EXOC6B: variants seen among roughly 807,000 people sequenced by gnomAD.
EXOC6B encodes SEC15 homolog B.
In EXOC6B, 54 loss-of-function variants were observed where a neutral mutation model predicts 113.5. The ratio of observed to expected loss-of-function variants is 0.48; its 90% CI spans 0.38 to 0.60. EXOC6B has a LOEUF of 0.60. EXOC6B is among the 20% of genes least tolerant of loss of function. EXOC6B has a pLI of 0.00. For synonymous variants in EXOC6B, 357 were observed against 339.0 expected (o/e 1.05, Z -0.58); for missense variants, 797 against 977.5 (o/e 0.82, Z 2.46).
intron 15 of EXOC6B, among the ~76,000 whole-genome samples, chr2:72,493,134 T>G (rs1266016021): frequency 1.3e-5 from 2 of 152,090 alleles, no homozygotes; most frequent in African/African-American, 2.4e-5. Context: ...CATTAAGACT[T>G]TAGTTGATTT....
intron 1 of EXOC6B, among the ~76,000 whole-genome samples, chr2:72,755,822 A>G (rs1308242744): frequency 6.6e-6 from 1 of 152,174 alleles, no homozygotes. Context: ...TGTTGCCAAC[A>G]GAAGGGGGAG....
At chr2:72,814,604 C>A (rs892687257) in intron 1 of EXOC6B, among the ~76,000 whole-genome samples, 2 of 152,238 alleles carry the variant, frequency 1.3e-5, no homozygotes, top group Middle Eastern at 3.2e-3. Flanking sequence ...AAAGATCTAA[C>A]AGGTTTGCAG....
rs570600481 is a variant in EXOC6B, at chr2:72,501,559, G to A, written c.1168-1587C>T. 5.3e-5 allele frequency among the ~76,000 whole-genome samples: 8 copies of A among 152,016 alleles called. No homozygotes were observed. The South Asian group carries it at 6.2e-4, about 12-fold the overall frequency. Reference sequence around the variant, plus strand: ...TAAACCTGGGATTACTGACATTTACGAACCTAGTAGTCAAGCCACTTTTCG... The same window carrying A: ...TAAACCTGGGATTACTGACATTTACAAACCTAGTAGTCAAGCCACTTTTCG... On this transcript the variant is annotated intron_variant, in intron 11 of 21. Coordinates refer to ENST00000272427, the MANE Select transcript of EXOC6B (RefSeq NM_015189.3).
At chr2:72,616,926 T>C (rs528368792) in intron 6 of EXOC6B, among the ~76,000 whole-genome samples, 31 of 152,322 alleles carry the variant, frequency 2.0e-4, no homozygotes, top group African/African-American at 7.2e-4. Context: ...AAGTCCCTCC[T>C]GCCTATGAGC....
intron 8 of EXOC6B, among the ~76,000 whole-genome samples, chr2:72,538,139 T>C (rs1443435089): frequency 6.6e-6 from 1 of 151,856 alleles, no homozygotes; most frequent in East Asian, 1.9e-4. Flanking sequence ...TGTTTTTAAT[T>C]TTTAGTAGAA....
chr2:72,692,382 C>T (rs1351156675), intron 6 of EXOC6B, among the ~76,000 whole-genome samples: 3 of 148,072 alleles, frequency 2.0e-5, no homozygotes, highest in Non-Finnish European at 4.5e-5. Flanking sequence ...GACAGAGTCT[C>T]GCTCTGTCGC....
chr2:72,626,158 T>C (rs1672037584), intron 6 of EXOC6B, among the ~76,000 whole-genome samples: 2 of 152,036 alleles, frequency 1.3e-5, no homozygotes, highest in Non-Finnish European at 2.9e-5. Flanking sequence ...ATAAAGAATA[T>C]GAAAAAGTGA....
intron 18 of EXOC6B, among the ~76,000 whole-genome samples, chr2:72,381,769 A>G (rs2105070993): frequency 6.6e-6 from 1 of 152,272 alleles, no homozygotes; most frequent in Non-Finnish European, 1.5e-5. Flanking sequence ...CATTGTCCCC[A>G]GATATTTCGT....
At chr2:72,348,401 C>T (rs1393712238) in intron 19 of EXOC6B, among the ~76,000 whole-genome samples, 1 of 151,872 alleles carries the variant, frequency 6.6e-6, no homozygotes, top group East Asian at 1.9e-4. Flanking sequence ...AAAATGTTGC[C>T]CTCTTAGATA....
intron 19 of EXOC6B, among the ~76,000 whole-genome samples, chr2:72,350,925 T>C (rs963676734): frequency 6.6e-6 from 1 of 152,178 alleles, no homozygotes; most frequent in Non-Finnish European, 1.5e-5. Flanking sequence ...GCCCTGTCTT[T>C]AAAATGTTCC....
chr2:72,310,859 A>ACG (rs1266510230), intron 20 of EXOC6B, among the ~76,000 whole-genome samples: 5 of 124,082 alleles, frequency 4.0e-5, no homozygotes, highest in African/African-American at 2.3e-4. Flanking sequence ...TAACACACAC[A>ACG]CACACACACA....
At chr2:72,205,817 T>C (rs1477694580) in intron 20 of EXOC6B, among the ~76,000 whole-genome samples, 4 of 152,166 alleles carry the variant, frequency 2.6e-5, no homozygotes, top group Non-Finnish European at 1.5e-5. Context: ...TTCTCAGGCA[T>C]TGCCTCTGAC....
chr2:72,341,272 G>A (rs1689019013), intron 19 of EXOC6B, among the ~76,000 whole-genome samples: 1 of 152,050 alleles, frequency 6.6e-6, no homozygotes, highest in African/African-American at 2.4e-5. Context: ...AAATTTAAGA[G>A]GGTAGATTTC....
At chr2:72,504,046 C>T (rs1700475723) in intron 11 of EXOC6B, among the ~76,000 whole-genome samples, 1 of 151,980 alleles carries the variant, frequency 6.6e-6, no homozygotes, top group Non-Finnish European at 1.5e-5. Flanking sequence ...TAGCTGGGAC[C>T]ACAGGCACAT....
At chr2:72,813,204 C>T (rs905866884) in intron 1 of EXOC6B, among the ~76,000 whole-genome samples, 12 of 152,030 alleles carry the variant, frequency 7.9e-5, no homozygotes, top group African/African-American at 2.9e-4. Context: ...ATCCTCCCAC[C>T]TCAGCCTCCC....
intron 20 of EXOC6B, among the ~76,000 whole-genome samples, chr2:72,303,561 C>G (rs1279724430): frequency 6.6e-6 from 1 of 151,832 alleles, no homozygotes; most frequent in Non-Finnish European, 1.5e-5. Flanking sequence ...TTTATATAGG[C>G]TATTTTGTCT....
chr2:72,337,321 T>A (rs1181075105), intron 19 of EXOC6B, among the ~76,000 whole-genome samples: 2 of 152,174 alleles, frequency 1.3e-5, no homozygotes, highest in South Asian at 2.1e-4. Context: ...ATTGCATAAC[T>A]CAAGTCTATG....
At chr2:72,439,164 G>C (rs1012103488) in intron 18 of EXOC6B, among the ~76,000 whole-genome samples, 5 of 152,110 alleles carry the variant, frequency 3.3e-5, no homozygotes, top group Non-Finnish European at 1.5e-5. Flanking sequence ...AAGCAACATA[G>C]AACAGTTAGT....
At chr2:72,496,107 T>C (rs1198945615) in intron 14 of EXOC6B, among the ~76,000 whole-genome samples, 2 of 152,156 alleles carry the variant, frequency 1.3e-5, no homozygotes, top group Admixed American at 6.6e-5. Context: ...GTAAATTTTA[T>C]GTTGTGGGGA....
Sources: allele counts gnomAD v4.1 joint callset (sites outside exome capture counted in the v4.1 genomes callset), GRCh38; gene constraint gnomAD v4.1.1; transcripts MANE v1.5; gene names NCBI Gene and HGNC (gene_info 2026-07-23, HGNC 2026-07-21).